NTM: variants seen among roughly 807,000 people sequenced by gnomAD.
NTM encodes IgLON family member 2.
Under a neutral mutation model 42.1 loss-of-function variants are expected in NTM, and 13 were observed. That is an observed-to-expected ratio of 0.31 (90% CI 0.20 to 0.49). NTM has a LOEUF of 0.49. Ranked by LOEUF, NTM falls within the 20% of genes least tolerant of loss-of-function variation. NTM has a pLI of 0.99. For synonymous variants in NTM, 187 were observed against 179.2 expected, an observed-to-expected ratio of 1.04 and a Z score of -0.35; for missense variants, 373 against 452.8, an observed-to-expected ratio of 0.82 and a Z score of 1.60.
At chr11:131,959,618 A>T (rs2061921599) in intron 2 of NTM, among the ~76,000 whole-genome samples, 1 of 152,184 alleles carries the variant, frequency 6.6e-6, no homozygotes. Context: ...CCTGAGTGAC[A>T]GAGTGTCTAA....
chr11:131,689,727 C>T (rs1287247466), intron 1 of NTM, among the ~76,000 whole-genome samples: 1 of 152,154 alleles, frequency 6.6e-6, no homozygotes, highest in Non-Finnish European at 1.5e-5. Context: ...TCTCCCCTCC[C>T]ATACCGCAGG....
chr11:131,562,977 T>G (rs771336179), intron 1 of NTM, among the ~76,000 whole-genome samples: 2 of 152,166 alleles, frequency 1.3e-5, no homozygotes, highest in Non-Finnish European at 2.9e-5. Flanking sequence ...GGGGAGAAGA[T>G]GCAGAAAGCT....
At chr11:132,076,215 G>A (rs2058345874) in intron 2 of NTM, among the ~76,000 whole-genome samples, 1 of 152,048 alleles carries the variant, frequency 6.6e-6, no homozygotes, top group Non-Finnish European at 1.5e-5. Flanking sequence ...AACTTTTTCT[G>A]TCAAGGGACA....
At chr11:131,653,386 G>T (rs1221578067) in intron 1 of NTM, among the ~76,000 whole-genome samples, 1 of 152,224 alleles carries the variant, frequency 6.6e-6, no homozygotes. Context: ...CCTGGGGGAG[G>T]GGAAGGCTCA....
chr11:131,516,375 CT>C (rs1255188614), intron 1 of NTM, among the ~76,000 whole-genome samples: 1 of 152,160 alleles, frequency 6.6e-6, no homozygotes, highest in African/African-American at 2.4e-5. Context: ...GACCCTGACC[CT>C]TTTCTTTTTA....
chr11:131,786,633 G>T (rs746101798), intron 1 of NTM, among the ~76,000 whole-genome samples: 1 of 152,088 alleles, frequency 6.6e-6, no homozygotes, highest in Admixed American at 6.5e-5. Context: ...GACATATACA[G>T]CCATGATTGT....
At chr11:131,930,313 G>A (rs897001130) in intron 2 of NTM, among the ~76,000 whole-genome samples, 3 of 152,130 alleles carry the variant, frequency 2.0e-5, no homozygotes, top group Non-Finnish European at 2.9e-5. Context: ...AAGAATGCAG[G>A]GTACTTGTTG....
intron 2 of NTM, among the ~76,000 whole-genome samples, chr11:132,116,497 AG>A (rs964145079): frequency 3.3e-5 from 5 of 152,192 alleles, no homozygotes; most frequent in African/African-American, 1.2e-4. Context: ...TGGGAAATGA[AG>A]GGGACAGATA....
At chr11:131,717,539 G>A (rs1342274615) in intron 1 of NTM, among the ~76,000 whole-genome samples, 1 of 152,130 alleles carries the variant, frequency 6.6e-6, no homozygotes, top group East Asian at 1.9e-4. Context: ...CATTACTAGT[G>A]TATAGAAATA....
intron 2 of NTM, among the ~76,000 whole-genome samples, chr11:131,945,736 G>A (rs985053838): frequency 3.9e-5 from 6 of 152,116 alleles, no homozygotes; most frequent in Admixed American, 2.6e-4. Context: ...GTGACCTCTC[G>A]CTGACATTCC....
chr11:132,009,727 C>T (rs1325258985), intron 2 of NTM, among the ~76,000 whole-genome samples: 2 of 152,222 alleles, frequency 1.3e-5, no homozygotes, highest in Non-Finnish European at 2.9e-5. Context: ...AATTGCCTCC[C>T]TGTTGACCTC....
intron 1 of NTM, among the ~76,000 whole-genome samples, chr11:131,499,802 C>T (rs894775297): frequency 2.6e-5 from 4 of 152,212 alleles, no homozygotes; most frequent in Non-Finnish European, 5.9e-5. Context: ...TCCCCTTCAC[C>T]CGCGTCAATG....
At chr11:132,009,483 G>A (rs541919654) in intron 2 of NTM, among the ~76,000 whole-genome samples, 1 of 152,160 alleles carries the variant, frequency 6.6e-6, no homozygotes, top group South Asian at 2.1e-4. Flanking sequence ...TGTGGAAAGG[G>A]ATGTCGTTTC....
At chr11:132,317,434 C>T (rs2095458369) in intron 7 of NTM, among the ~76,000 whole-genome samples, 1 of 152,140 alleles carries the variant, frequency 6.6e-6, no homozygotes, top group African/African-American at 2.4e-5. Context: ...CCCTGCCTTC[C>T]CAGTCACGGC....
intron 1 of NTM, among the ~76,000 whole-genome samples, chr11:131,574,029 C>G (rs1425917162): frequency 2.6e-5 from 4 of 152,156 alleles, no homozygotes; most frequent in Admixed American, 2.6e-4. Context: ...GCTCTATTCC[C>G]TCTCATGGCT....
chr11:131,962,269 G>A (rs971653511), intron 2 of NTM, among the ~76,000 whole-genome samples: 6 of 152,154 alleles, frequency 3.9e-5, no homozygotes, highest in African/African-American at 1.2e-4. Flanking sequence ...TGTGAAGGTC[G>A]AGAGCAGTTT....
At chr11:132,066,007 G>A (rs1026095606) in intron 2 of NTM, among the ~76,000 whole-genome samples, 3 of 152,162 alleles carry the variant, frequency 2.0e-5, no homozygotes, top group African/African-American at 2.4e-5. Context: ...TGTGGGGAGT[G>A]TAGACTAGAC....
At chr11:131,572,742 G>A (rs1290229656) in intron 1 of NTM, among the ~76,000 whole-genome samples, 4 of 152,168 alleles carry the variant, frequency 2.6e-5, no homozygotes, top group Non-Finnish European at 5.9e-5. Flanking sequence ...GGTGTGGCGT[G>A]ATTTGCACTT....
intron 7 of NTM, chr11:132,314,944 A>ATGTATAGTACATGT (rs2095387742): frequency 8.0e-7 from 1 of 1,248,774 alleles, no homozygotes; most frequent in Non-Finnish European, 1.0e-6. Context: ...AAAGTAGTAT[A>ATGTATAGTACATGT]TGTATAGTAC....
Sources: gnomAD v4.1 joint callset for allele counts (sites outside exome capture counted in the v4.1 genomes callset) on GRCh38, gnomAD v4.1.1 for gene constraint, MANE v1.5 for transcripts, NCBI Gene and HGNC (gene_info 2026-07-23, HGNC 2026-07-21) for gene names.